The following NCK1 variants were observed in gnomAD, a reference collection of about 807,000 sequenced individuals.
NCK1 encodes SH2/SH3 adapter protein NCK1.
Under a neutral mutation model 36.6 loss-of-function variants are expected in NCK1, and 19 were observed. The ratio of observed to expected loss-of-function variants is 0.52; its 90% CI spans 0.36 to 0.76. The LOEUF (loss-of-function observed/expected upper bound fraction) is 0.76, where lower values mean the gene tolerates loss of function less well. NCK1 is among the 30% of genes least tolerant of loss of function. The pLI, the probability that NCK1 is intolerant of heterozygous loss-of-function variation, is 0.00. For synonymous variants in NCK1, 165 were observed against 156.0 expected (o/e 1.06, Z -0.43); for missense variants, 358 against 445.6 (o/e 0.80, Z 1.77).
chr3:136,892,631 C>CTGCTGCAGT (rs1382318189), intron 1 of NCK1, among the ~76,000 whole-genome samples: 1 of 152,214 alleles, frequency 6.6e-6, no homozygotes, highest in Non-Finnish European at 1.5e-5. Context: ...TAATCTACTC[C>CTGCTGCAGT]ATCCAGGCTG....
chr3:136,913,958 C>T (rs1369828548), intron 1 of NCK1, among the ~76,000 whole-genome samples: 9 of 152,224 alleles, frequency 5.9e-5, no homozygotes, highest in Non-Finnish European at 1.3e-4. Context: ...CCACGCCCAG[C>T]CGCACAGTGA....
chr3:136,881,142 C>T (rs948042332), intron 1 of NCK1, among the ~76,000 whole-genome samples: 1 of 152,118 alleles, frequency 6.6e-6, no homozygotes, highest in Admixed American at 6.6e-5. Flanking sequence ...ATCTTGAAGT[C>T]TTCTGTTCTT....
rs569741467 is a variant in NCK1 at position 136,892,975 on chromosome 3, A to G, written c.-19+30622A>G. Among the ~76,000 whole-genome samples the G allele has an allele frequency of 2.7e-4, 41 of 151,750 alleles. 1 individual carries two copies. In the South Asian group the frequency reaches 4.8e-3, roughly 18 times the overall value. Reference sequence around the variant, plus strand: ...TATCCCTCACGCCACCACCCTTATCATTCATATGCTTTTGCGTCCTCATAG... The same window carrying G: ...TATCCCTCACGCCACCACCCTTATCGTTCATATGCTTTTGCGTCCTCATAG... On this transcript the variant is annotated intron_variant, in intron 1 of 3. Transcript: ENST00000481752.
intron 1 of NCK1, among the ~76,000 whole-genome samples, chr3:136,872,861 G>A (rs766058002): frequency 2.4e-4 from 36 of 152,248 alleles, no homozygotes; most frequent in Non-Finnish European, 4.3e-4. Context: ...GATGCTGCAA[G>A]TGCACAGAAG....
intron 2 of NCK1, among the ~76,000 whole-genome samples, chr3:136,929,748 C>A (rs945985993): frequency 6.6e-6 from 1 of 152,106 alleles, no homozygotes; most frequent in African/African-American, 2.4e-5. Context: ...ACACTGGTAT[C>A]TTGGGATTAG....
rs1940918527 is a variant in NCK1 at position 136,949,486 on chromosome 3, A to G, written c.*1033A>G. ...GAAAAAATAGAATGTGCTCATGGTT[A>G]GGGAAAATTATATTATTTTTAATTT... On this transcript the variant is annotated 3_prime_UTR_variant, in exon 4 of 4. Coordinates refer to ENST00000481752, the MANE Select transcript of NCK1 (RefSeq NM_001291999.2). 1 of 152,038 alleles carries G rather than the reference A, an allele frequency of 6.6e-6. No individual in the cohort carries two copies. Among genetic ancestry groups the G allele is most frequent in the African/African-American group, 2.4e-5 (1 of 41,444 alleles). The allele number at this position is 152,038 out of a possible 1,614,324, so 9.4% of individuals were successfully genotyped here.
At chr3:136,941,738 C>CTT (rs1411071608) in intron 2 of NCK1, among the ~76,000 whole-genome samples, 1 of 151,952 alleles carries the variant, frequency 6.6e-6, no homozygotes, top group East Asian at 1.9e-4. Context: ...ATACTACTGA[C>CTT]TTTTATATTT....
chr3:136,941,092 T>C (rs1181433271), intron 2 of NCK1, among the ~76,000 whole-genome samples: 1 of 150,468 alleles, frequency 6.6e-6, no homozygotes, highest in Non-Finnish European at 1.5e-5. Flanking sequence ...CTTCTATTAC[T>C]GTCTTCTTTT....
At chr3:136,920,723 A>T (rs1020239467) in intron 1 of NCK1, among the ~76,000 whole-genome samples, 2 of 152,192 alleles carry the variant, frequency 1.3e-5, no homozygotes, top group African/African-American at 4.8e-5. Context: ...TAAGAGCAAT[A>T]ATCTTGCTAA....
intron 2 of NCK1, among the ~76,000 whole-genome samples, chr3:136,932,496 T>C (rs1376373419): frequency 6.6e-6 from 1 of 152,222 alleles, no homozygotes; most frequent in Non-Finnish European, 1.5e-5. Context: ...ATAATTTATT[T>C]CATGTAGATG....
At chr3:136,877,080 T>C (rs933490165) in intron 1 of NCK1, among the ~76,000 whole-genome samples, 2 of 152,162 alleles carry the variant, frequency 1.3e-5, no homozygotes, top group African/African-American at 2.4e-5. Flanking sequence ...ATATGAGATA[T>C]TTCAGCTTGC....
At chr3:136,892,569 A>G (rs1204962261) in intron 1 of NCK1, among the ~76,000 whole-genome samples, 1 of 152,258 alleles carries the variant, frequency 6.6e-6, no homozygotes, top group Admixed American at 6.5e-5. Context: ...GACAAAGAAC[A>G]GATTCTTCTC....
Position 136,920,607 on chromosome 3 carries a change from C to A in NCK1, c.-18-7377C>A, listed in dbSNP as rs144529999. Reference sequence around the variant, plus strand: ...AGGCATTACAGAATATTACTTATTACCCCTCTGAACTATAATAAACTGATC... The same window carrying A: ...AGGCATTACAGAATATTACTTATTAACCCTCTGAACTATAATAAACTGATC... On this transcript the variant is annotated intron_variant, in intron 1 of 3. Coordinates refer to ENST00000481752, the MANE Select transcript of NCK1 (RefSeq NM_001291999.2). 9.9e-4 allele frequency among the ~76,000 whole-genome samples: 151 copies of A among 152,230 alleles called. 1 individual carries two copies. The East Asian group carries it at 0.026, about 26-fold the overall frequency.
intron 1 of NCK1, among the ~76,000 whole-genome samples, chr3:136,877,375 A>T (rs552970919): frequency 6.6e-6 from 1 of 152,334 alleles, no homozygotes; most frequent in South Asian, 2.1e-4. Flanking sequence ...TAAGCAATAT[A>T]TTTCTGAGAA....
rs569452918 is a variant in NCK1 at position 136,866,892 on chromosome 3, C to T, written c.-19+4539C>T. 1.4e-4 allele frequency among the ~76,000 whole-genome samples: 21 copies of T among 149,648 alleles called. No individual in the cohort carries two copies. The East Asian group carries it at 3.2e-3, about 23-fold the overall frequency. On this transcript the variant is annotated intron_variant, in intron 1 of 3. Transcript: ENST00000481752. ...CTTCCCAAAGTGTTGGGATTACAGG[C>T]GTGAGCCACTGTGCCCGTCCAGTTT...
rs1327254698 is a variant in NCK1, at chr3:136,863,020, TCTTC to T, written c.-19+668_-19+671del. 3.1e-4 allele frequency among the ~76,000 whole-genome samples: 5 copies of T among 15,938 alleles called. No individual in the cohort carries two copies. The East Asian group carries it at 0.049, about 156-fold the overall frequency. The allele number at this position is 15,938 out of a possible 152,430, so 10.5% of individuals were successfully genotyped here. A position where few individuals can be genotyped will look rare whatever the true frequency, so the allele number is the denominator to read the frequency against. On this transcript the variant is annotated intron_variant, in intron 1 of 3. Transcript: ENST00000481752. ...CCATTTCGATAGGTTTTGTAACCTT[TCTTC>T]TGTATTAACATACAAGTTAAATTCG...
intron 2 of NCK1, chr3:136,928,606 A>G: frequency 5.6e-6 from 1 of 179,604 alleles, no homozygotes. Flanking sequence ...TAATGACCTT[A>G]TGTTTTGAAC....
At chr3:136,939,288 A>C (rs189757502) in intron 2 of NCK1, among the ~76,000 whole-genome samples, 1 of 152,086 alleles carries the variant, frequency 6.6e-6, no homozygotes, top group Admixed American at 6.5e-5. Flanking sequence ...ATTTGTTTAT[A>C]ATCCTTTTTA....
rs1357027000 is a variant in NCK1 at position 136,927,979 on chromosome 3, T to G, written c.-18-5T>G. The stretch of plus-strand genomic sequence containing the variant: ...TACATAAAAATATTTTCCATGTGTT[T>G]ACAGTGCTGAAGCTGCTGAAAGATG... On this transcript the variant is annotated splice_polypyrimidine_tract_variant and splice_region_variant and intron_variant, in intron 1 of 3. Transcript: ENST00000481752. 1 of 1,567,518 alleles carries G rather than the reference T, an allele frequency of 6.4e-7. No individual in the cohort carries two copies. The highest frequency in any genetic ancestry group is 2.2e-5 in the East Asian group (1 of 44,622).
Sources: allele counts gnomAD v4.1 joint callset (sites outside exome capture counted in the v4.1 genomes callset), GRCh38; gene constraint gnomAD v4.1.1; transcripts MANE v1.5; gene names NCBI Gene and HGNC (gene_info 2026-07-23, HGNC 2026-07-21).